XKR6: variants seen among roughly 807,000 people sequenced by gnomAD.
XKR6 encodes XK related 6.
A neutral mutation model predicts 56.7 loss-of-function variants in XKR6; 22 were observed. That is an observed-to-expected ratio of 0.39 (90% CI 0.28 to 0.55). The LOEUF (loss-of-function observed/expected upper bound fraction) is 0.55. XKR6 is among the 20% of genes least tolerant of loss of function. XKR6 has a pLI of 0.66. For missense variants in XKR6, 852 were observed against 889.0 expected (o/e 0.96, Z 0.53); for synonymous variants, 524 against 387.8 (o/e 1.35, Z -4.13).
intron 1 of XKR6, among the ~76,000 whole-genome samples, chr8:10,997,294 T>C (rs998004626): frequency 2.0e-5 from 3 of 152,174 alleles, no homozygotes; most frequent in African/African-American, 7.2e-5. Flanking sequence ...ACTTGACCTG[T>C]TTTAACTCCT....
intron 2 of XKR6, among the ~76,000 whole-genome samples, chr8:10,907,615 G>GA (rs1800219445): frequency 1.3e-5 from 2 of 152,196 alleles, no homozygotes; most frequent in South Asian, 4.1e-4. Context: ...ACTAGAATTT[G>GA]AATATAGGCT....
In XKR6 at chr8:11,084,444, C is replaced by G. The variant is rs139758326; in HGVS notation, c.764+116132G>C. Among the ~76,000 whole-genome samples the G allele has an allele frequency of 1.8e-3, 267 of 152,272 alleles. 1 individual carries two copies. The highest frequency in any genetic ancestry group is 5.0e-3 in the South Asian group (24 of 4,818). On this transcript the variant is annotated intron_variant, in intron 1 of 2. Coordinates refer to ENST00000416569, the MANE Select transcript of XKR6 (RefSeq NM_173683.4). ...TACCGTCATTTTAAAATAAAACTCTCCTGTCTAAGAATTGCACTATTTACC... is the reference window on the plus strand; with the variant it reads ...TACCGTCATTTTAAAATAAAACTCTGCTGTCTAAGAATTGCACTATTTACC...
chr8:11,124,127 C>T (rs913474167), intron 1 of XKR6: 1 of 399,148 alleles, frequency 2.5e-6, no homozygotes, highest in Non-Finnish European at 5.0e-6. Flanking sequence ...ATCTTCCCTA[C>T]TAGAATGATT....
intron 1 of XKR6, among the ~76,000 whole-genome samples, chr8:11,131,012 C>T (rs548185104): frequency 9.9e-5 from 15 of 152,242 alleles, no homozygotes; most frequent in African/African-American, 3.4e-4. Context: ...TTTCATAAAT[C>T]GCTAGTTATG....
intron 1 of XKR6, among the ~76,000 whole-genome samples, chr8:11,179,036 T>C (rs1381817344): frequency 6.7e-6 from 1 of 148,938 alleles, no homozygotes; most frequent in Non-Finnish European, 1.5e-5. Flanking sequence ...TTTTTTTTTT[T>C]TTTGGAGAGC....
At chr8:10,913,734 G>A (rs1323865564) in intron 2 of XKR6, among the ~76,000 whole-genome samples, 2 of 152,198 alleles carry the variant, frequency 1.3e-5, no homozygotes, top group Non-Finnish European at 2.9e-5. Flanking sequence ...GGGACTTCAC[G>A]TGGTGTTCAA....
In XKR6 at chr8:10,931,263, A is replaced by G. The variant is rs1326503963; in HGVS notation, c.765-6433T>C. On this transcript the variant is annotated intron_variant, in intron 1 of 2. Coordinates refer to ENST00000416569, the MANE Select transcript of XKR6 (RefSeq NM_173683.4). ...TGTATGCCACAGCTGCAAGATGCTA[A>G]TAAAAGAAATCAAAGAAAACCTAAA... Among the ~76,000 whole-genome samples the G allele has an allele frequency of 2.0e-5, 3 of 152,228 alleles. No individual in the cohort carries two copies. In the East Asian group the frequency reaches 5.8e-4, roughly 29 times the overall value.
chr8:11,167,377 C>T (rs753195914), intron 1 of XKR6, among the ~76,000 whole-genome samples: 17 of 152,112 alleles, frequency 1.1e-4, no homozygotes, highest in Non-Finnish European at 1.8e-4. Context: ...ACAAGTAGAA[C>T]GCATTCATAA....
intron 2 of XKR6, among the ~76,000 whole-genome samples, chr8:10,921,069 G>A (rs1800694098): frequency 6.6e-6 from 1 of 152,264 alleles, no homozygotes; most frequent in Admixed American, 6.5e-5. Flanking sequence ...GTCTGCTCTT[G>A]GCAGCATGCC....
chr8:10,938,486 T>C (rs1392380419), intron 1 of XKR6, among the ~76,000 whole-genome samples: 3 of 152,214 alleles, frequency 2.0e-5, no homozygotes, highest in Non-Finnish European at 4.4e-5. Flanking sequence ...TAAACAATTA[T>C]GGTAATCCAT....
chr8:11,152,287 C>T (rs2409713), intron 1 of XKR6, among the ~76,000 whole-genome samples: 71,808 of 151,992 alleles, frequency 0.47, 18,836 homozygotes, highest in African/African-American at 0.68. Context: ...TCTACAGTTG[C>T]CCTTCCTGAA....
At chr8:10,973,925 G>C (rs185923168) in intron 1 of XKR6, among the ~76,000 whole-genome samples, 56 of 152,296 alleles carry the variant, frequency 3.7e-4, no homozygotes. Flanking sequence ...TGTTAGCACA[G>C]TGCATAGATA....
intron 1 of XKR6, among the ~76,000 whole-genome samples, chr8:11,147,493 T>G (rs1586614717): frequency 6.6e-6 from 1 of 151,716 alleles, no homozygotes; most frequent in African/African-American, 2.4e-5. Flanking sequence ...CCATCTCTAC[T>G]AAAAATACAA....
At chr8:11,199,168 G>A (rs1285504907) in intron 1 of XKR6, among the ~76,000 whole-genome samples, 1 of 152,152 alleles carries the variant, frequency 6.6e-6, no homozygotes, top group African/African-American at 2.4e-5. Flanking sequence ...AAAGCTGTTT[G>A]GTTCAGCCTA....
intron 1 of XKR6, among the ~76,000 whole-genome samples, chr8:10,925,514 G>A (rs1245626820): frequency 6.6e-6 from 1 of 152,174 alleles, no homozygotes; most frequent in Admixed American, 6.5e-5. Flanking sequence ...TCCCAGCAGG[G>A]CCCAGGACAC....
chr8:11,104,342 G>T (rs1798595636), intron 1 of XKR6, among the ~76,000 whole-genome samples: 1 of 152,182 alleles, frequency 6.6e-6, no homozygotes, highest in Non-Finnish European at 1.5e-5. Flanking sequence ...AATAGGCCAA[G>T]GAAGAAATCT....
At chr8:11,164,827 A>C (rs1298074275) in intron 1 of XKR6, among the ~76,000 whole-genome samples, 5 of 152,224 alleles carry the variant, frequency 3.3e-5, no homozygotes, top group Admixed American at 1.3e-4. Flanking sequence ...TGTATACCTG[A>C]GACCTGTCTC....
At chr8:11,063,758 C>T (rs953601722) in intron 1 of XKR6, among the ~76,000 whole-genome samples, 1 of 152,144 alleles carries the variant, frequency 6.6e-6, no homozygotes, top group Non-Finnish European at 1.5e-5. Flanking sequence ...GGCTCAGTAA[C>T]ATTTTTTGGA....
chr8:11,141,678 T>C (rs556116077), intron 1 of XKR6, among the ~76,000 whole-genome samples: 1 of 152,030 alleles, frequency 6.6e-6, no homozygotes, highest in Admixed American at 6.5e-5. Flanking sequence ...CCAATATGAG[T>C]GATCGTGTGC....
Sources: gnomAD v4.1 joint callset for allele counts (sites outside exome capture counted in the v4.1 genomes callset) on GRCh38, gnomAD v4.1.1 for gene constraint, MANE v1.5 for transcripts, NCBI Gene and HGNC (gene_info 2026-07-23, HGNC 2026-07-21) for gene names.